Variants in MICU1 observed in about 807,000 individuals in gnomAD.
The protein encoded by MICU1 is mitochondrial calcium uptake 1, also known as calcium uptake protein 1, mitochondrial.
MICU1 carries 45 observed loss-of-function variants against 56.8 expected under a neutral mutation model. That is an observed-to-expected ratio of 0.79 (90% confidence interval 0.62 to 1.02). MICU1 has a LOEUF of 1.02. Ranked by LOEUF, MICU1 falls within the 50% of genes least tolerant of loss-of-function variation. The pLI, the probability that MICU1 is intolerant of heterozygous loss-of-function variation, is 0.00. For missense variants in MICU1, 504 were observed against 587.1 expected, an observed-to-expected ratio of 0.86 and a Z score of 1.46; for synonymous variants, 186 against 195.1, an observed-to-expected ratio of 0.95 and a Z score of 0.39.
chr10:72,448,175 A>ATGTGTGTGTGTGTG (rs1865174791), intron 8 of MICU1, among the ~76,000 whole-genome samples: 1 of 38,336 alleles, frequency 2.6e-5, no homozygotes, highest in African/African-American at 9.2e-5. Context: ...ATGTGTGTGT[A>ATGTGTGTGTGTGTG]TATATATATA....
At chr10:72,492,295 GA>G (rs1243108064) in intron 6 of MICU1, among the ~76,000 whole-genome samples, 2 of 152,080 alleles carry the variant, frequency 1.3e-5, no homozygotes, top group African/African-American at 2.4e-5. Context: ...AAGCAAGGGG[GA>G]AAAAGCGGTA....
At chr10:72,468,052 C>G (rs545988150) in intron 8 of MICU1, 2 of 151,716 alleles carry the variant, frequency 1.3e-5, no homozygotes, top group Admixed American at 6.6e-5. Flanking sequence ...CCAGGCTGGT[C>G]TCAAACTCCT....
chr10:72,492,753 ACT>A (rs1175019795), intron 6 of MICU1, among the ~76,000 whole-genome samples: 14 of 148,200 alleles, frequency 9.4e-5, no homozygotes, highest in South Asian at 6.3e-4. Context: ...ACAGAGCAAG[ACT>A]CTGTCTCAAA....
At position 72,485,865 on chromosome 10, in the gene MICU1, G is replaced by A. The variant is rs539779797; in HGVS notation, c.653-8609C>T. ...TCCAAAGATATGGACGGCTTCATCCGAGGTAAAAAGGTCAGTCACACACAC... is the reference window on the plus strand; with the variant it reads ...TCCAAAGATATGGACGGCTTCATCCAAGGTAAAAAGGTCAGTCACACACAC... On this transcript the variant is annotated intron_variant, in intron 6 of 11. Transcript: ENST00000361114. 2.5e-4 allele frequency among the ~76,000 whole-genome samples: 38 copies of A among 151,390 alleles called. No homozygotes were observed. The South Asian group carries it at 6.9e-3, about 27-fold the overall frequency.
At chr10:72,511,422 AAAG>A (rs1434882270) in intron 5 of MICU1, among the ~76,000 whole-genome samples, 3 of 152,204 alleles carry the variant, frequency 2.0e-5, no homozygotes, top group African/African-American at 7.2e-5. Context: ...TTACATTTTT[AAAG>A]AAGATTTGAG....
At chr10:72,483,837 T>C (rs139954157) in intron 6 of MICU1, 6 of 152,308 alleles carry the variant, frequency 3.9e-5, no homozygotes, top group African/African-American at 1.2e-4. Flanking sequence ...AGGTCACCTA[T>C]TATGGATTTG....
intron 1 of MICU1, among the ~76,000 whole-genome samples, chr10:72,596,427 C>A (rs1301951527): frequency 1.3e-5 from 2 of 151,798 alleles, no homozygotes; most frequent in Middle Eastern, 3.2e-3. Context: ...GACAGAGAGA[C>A]CCTGTCTCAA....
At chr10:72,504,813 C>A (rs922975595) in intron 6 of MICU1, among the ~76,000 whole-genome samples, 1 of 151,966 alleles carries the variant, frequency 6.6e-6, no homozygotes, top group Admixed American at 6.6e-5. Context: ...TAAAAGTGGG[C>A]AAAGGACATG....
At chr10:72,507,026 G>A (rs1291655021) in intron 6 of MICU1, among the ~76,000 whole-genome samples, 2 of 152,096 alleles carry the variant, frequency 1.3e-5, no homozygotes, top group East Asian at 1.9e-4. Flanking sequence ...GAATAAGAAC[G>A]AAAGTGGTCA....
intron 1 of MICU1, among the ~76,000 whole-genome samples, chr10:72,567,455 C>T (rs1373234811): frequency 6.6e-6 from 1 of 152,076 alleles, no homozygotes; most frequent in African/African-American, 2.4e-5. Flanking sequence ...CAAGAAAAGA[C>T]CAGTCTATAA....
intron 1 of MICU1, among the ~76,000 whole-genome samples, chr10:72,610,760 C>T (rs1841822404): frequency 6.6e-6 from 1 of 152,080 alleles, no homozygotes; most frequent in African/African-American, 2.4e-5. Flanking sequence ...AGGAAAAGAG[C>T]TTATGGATGT....
intron 8 of MICU1, among the ~76,000 whole-genome samples, chr10:72,455,220 T>C (rs948078789): frequency 6.6e-6 from 1 of 151,504 alleles, no homozygotes; most frequent in Non-Finnish European, 1.5e-5. Flanking sequence ...GATGTGGTGG[T>C]GGGCGCCTGT....
intron 9 of MICU1, among the ~76,000 whole-genome samples, chr10:72,419,373 C>T (rs1318818768): frequency 6.6e-6 from 1 of 152,156 alleles, no homozygotes; most frequent in Non-Finnish European, 1.5e-5. Context: ...TTCTCTGTCA[C>T]TTTCCATTAA....
chr10:72,435,957 AG>A (rs1441045631), intron 8 of MICU1, among the ~76,000 whole-genome samples: 2 of 152,280 alleles, frequency 1.3e-5, no homozygotes, highest in African/African-American at 4.8e-5. Context: ...CTCTGTGGGC[AG>A]GGCATAGCTG....
chr10:72,517,618 G>A (rs554243710), intron 5 of MICU1, among the ~76,000 whole-genome samples: 7 of 151,978 alleles, frequency 4.6e-5, no homozygotes, highest in African/African-American at 7.3e-5. Context: ...TTGGCGACTC[G>A]GGGGTGTGGG....
intron 1 of MICU1, among the ~76,000 whole-genome samples, chr10:72,577,416 G>C (rs998330879): frequency 6.6e-6 from 1 of 151,998 alleles, no homozygotes. Context: ...GGCTGAGGCA[G>C]GAGAATTGCT....
At chr10:72,526,222 A>C (rs1305517153) in intron 5 of MICU1, among the ~76,000 whole-genome samples, 2 of 152,256 alleles carry the variant, frequency 1.3e-5, no homozygotes, top group African/African-American at 4.8e-5. Flanking sequence ...GTAACTAAAA[A>C]TAAAACAAAA....
intron 4 of MICU1, among the ~76,000 whole-genome samples, chr10:72,549,172 C>T (rs1390061015): frequency 2.7e-5 from 4 of 148,992 alleles, no homozygotes; most frequent in Non-Finnish European, 5.9e-5. Flanking sequence ...TTTGTTGTTT[C>T]ATGTGTCTGT....
intron 8 of MICU1, among the ~76,000 whole-genome samples, chr10:72,471,892 A>G (rs1217481338): frequency 1.3e-5 from 2 of 151,522 alleles, no homozygotes; most frequent in African/African-American, 2.4e-5. Context: ...GAACATTCCT[A>G]TAAGAATGCA....
Sources: allele counts gnomAD v4.1 joint callset (sites outside exome capture counted in the v4.1 genomes callset), GRCh38; gene constraint gnomAD v4.1.1; transcripts MANE v1.5; gene names NCBI Gene and HGNC (gene_info 2026-07-23, HGNC 2026-07-21).